The following FANCL variants were observed in gnomAD, a reference collection of about 807,000 sequenced individuals.
The protein encoded by FANCL is FA complementation group L.
Under a neutral mutation model 59.4 loss-of-function variants are expected in FANCL, and 69 were observed. That is an observed-to-expected ratio of 1.16 (90% CI 0.96 to 1.42). The LOEUF (loss-of-function observed/expected upper bound fraction) is 1.42. FANCL is among the 40% of genes most tolerant of loss of function. FANCL has a pLI of 0.00. For synonymous variants in FANCL, 180 were observed against 147.1 expected (o/e 1.22, Z -1.62); for missense variants, 519 against 447.2 (o/e 1.16, Z -1.45).
At chr2:58,234,499 TG>T (rs1693841119) in intron 1 of FANCL, among the ~76,000 whole-genome samples, 1 of 151,416 alleles carries the variant, frequency 6.6e-6, no homozygotes, top group Admixed American at 6.6e-5. Context: ...GAAAAGGAGT[TG>T]AAGTGGAACA....
chr2:58,177,707 A>G (rs908484496), intron 7 of FANCL, among the ~76,000 whole-genome samples: 1 of 151,784 alleles, frequency 6.6e-6, no homozygotes, highest in Non-Finnish European at 1.5e-5. Flanking sequence ...GGTGCAGCAC[A>G]CCAGCATGGC....
chr2:58,237,931 C>G (rs1335775284), intron 1 of FANCL, among the ~76,000 whole-genome samples: 1 of 152,198 alleles, frequency 6.6e-6, no homozygotes, highest in Non-Finnish European at 1.5e-5. Flanking sequence ...GAGAAGCTAG[C>G]TGCCATGTGT....
chr2:58,193,109 A>G (rs183843125), intron 7 of FANCL, among the ~76,000 whole-genome samples: 34 of 152,182 alleles, frequency 2.2e-4, no homozygotes, highest in Admixed American at 1.8e-3. Context: ...AAGTAAATGT[A>G]GAGATAAATG....
At position 58,173,914 on chromosome 2, in the gene FANCL, T is replaced by C. The variant is rs571293343; in HGVS notation, c.541-8040A>G. ...CAAATCTCACAAGCAGAGACACACA[T>C]AGGCTCAAAATAAAAGGATGGAGGA... On this transcript the variant is annotated intron_variant, in intron 7 of 13. Transcript: ENST00000233741. Among the ~76,000 whole-genome samples, 150 of 151,974 alleles carry C rather than the reference T, an allele frequency of 9.9e-4. 1 individual carries two copies. The highest frequency in any genetic ancestry group is 3.4e-3 in the African/African-American group (143 of 41,452).
intron 7 of FANCL, among the ~76,000 whole-genome samples, chr2:58,178,116 A>T (rs1687547431): frequency 6.6e-6 from 1 of 152,126 alleles, no homozygotes; most frequent in African/African-American, 2.4e-5. Flanking sequence ...CTAACCAAAA[A>T]AAGCCCAGAA....
chr2:58,178,611 C>T (rs962120007), intron 7 of FANCL, among the ~76,000 whole-genome samples: 9 of 152,052 alleles, frequency 5.9e-5, no homozygotes, highest in African/African-American at 1.9e-4. Flanking sequence ...TATGACAAAC[C>T]CACAGTCAAT....
At chr2:58,173,975 G>C (rs998605461) in intron 7 of FANCL, among the ~76,000 whole-genome samples, 20 of 152,046 alleles carry the variant, frequency 1.3e-4, no homozygotes, top group African/African-American at 4.8e-4. Flanking sequence ...AAAAAAGGCA[G>C]GGGTTGCAAT....
At chr2:58,189,580 T>C (rs950833677) in intron 7 of FANCL, among the ~76,000 whole-genome samples, 4 of 152,148 alleles carry the variant, frequency 2.6e-5, no homozygotes, top group Non-Finnish European at 4.4e-5. Context: ...ATAACTGTTA[T>C]TAAATTATGT....
chr2:58,186,594 A>G (rs1270452562), intron 7 of FANCL, among the ~76,000 whole-genome samples: 2 of 152,258 alleles, frequency 1.3e-5, no homozygotes, highest in African/African-American at 2.4e-5. Flanking sequence ...TCCAAGAACC[A>G]GAATGCAAGA....
chr2:58,196,137 C>T (rs1173879490), intron 7 of FANCL, among the ~76,000 whole-genome samples: 1 of 151,912 alleles, frequency 6.6e-6, no homozygotes, highest in African/African-American at 2.4e-5. Context: ...AAAAAAGAGA[C>T]TGCAAATATG....
At position 58,203,391 on chromosome 2, in the gene FANCL, T is replaced by C. The variant is rs72948860; in HGVS notation, c.471+739A>G. 2.1e-3 allele frequency among the ~76,000 whole-genome samples: 325 copies of C among 152,090 alleles called. 1 individual carries two copies. Among genetic ancestry groups the C allele is most frequent in the African/African-American group, 7.2e-3 (300 of 41,552 alleles). On this transcript the variant is annotated intron_variant, in intron 6 of 13. Transcript: ENST00000233741. ...AATCTTCTGAAAAAGAGTTGATTGA[T>C]TGACTCCAAGAATAATTAAAAAAAA...
At chr2:58,219,786 A>C (rs1692293247) in intron 5 of FANCL, among the ~76,000 whole-genome samples, 1 of 152,210 alleles carries the variant, frequency 6.6e-6, no homozygotes, top group Non-Finnish European at 1.5e-5. Flanking sequence ...TACATAGTTC[A>C]CATTATTCAT....
Position 58,159,781 on chromosome 2 carries a change from G to C in FANCL, c.1112C>G (p.Ser371Cys). 3 of 1,612,928 alleles carry C rather than the reference G, an allele frequency of 1.9e-6. No homozygotes were observed. Among genetic ancestry groups the C allele is most frequent in the Non-Finnish European group, 2.5e-6 (3 of 1,179,544 alleles). ...ATTCTTATTTCAGTGTTTCCTTCCA[G>C]ACATTTTTAAGGTAATTGGCTTTAA... Reference protein sequence around the residue: ...YCSKPITLKMSGRKH With the variant: ...YCSKPITLKMCGRKH The change falls in exon 14 of 14, where the codon TCT becomes TGT. Residue 371 changes from serine to cysteine, a missense_variant. Coordinates refer to ENST00000233741, the MANE Select transcript of FANCL (RefSeq NM_018062.4).
At chr2:58,193,040 T>C (rs770131010) in intron 7 of FANCL, among the ~76,000 whole-genome samples, 4 of 151,752 alleles carry the variant, frequency 2.6e-5, no homozygotes, top group Non-Finnish European at 4.4e-5. Flanking sequence ...TAAGAAAAAA[T>C]TCAACAAAAA....
At chr2:58,164,917 TAATC>T in intron 8 of FANCL, among the ~76,000 whole-genome samples, 1 of 152,106 alleles carries the variant, frequency 6.6e-6, no homozygotes, top group Non-Finnish European at 1.5e-5. Flanking sequence ...TTCCCCCAGA[TAATC>T]TATATTATAC....
In FANCL at chr2:58,236,642, G is replaced by A. The variant is rs535320412; in HGVS notation, c.97-4530C>T. 2.6e-5 allele frequency among the ~76,000 whole-genome samples: 4 copies of A among 152,034 alleles called. 1 individual carries two copies. The highest frequency in any genetic ancestry group is 4.1e-4 in the South Asian group (2 of 4,820). On this transcript the variant is annotated intron_variant, in intron 1 of 13. Coordinates refer to ENST00000233741, the MANE Select transcript of FANCL (RefSeq NM_018062.4). Reference sequence around the variant, plus strand: ...TAAATCCAACCATATGAATAACCACGTTAAATGTAAATAGTCGAAGCACCC... The same window carrying A: ...TAAATCCAACCATATGAATAACCACATTAAATGTAAATAGTCGAAGCACCC...
At chr2:58,232,341 A>G (rs1693663756) in intron 1 of FANCL, among the ~76,000 whole-genome samples, 1 of 152,088 alleles carries the variant, frequency 6.6e-6, no homozygotes, top group Non-Finnish European at 1.5e-5. Context: ...AAATCAAAAC[A>G]CTCAGATAAG....
At chr2:58,219,983 A>T (rs1174518426) in intron 5 of FANCL, among the ~76,000 whole-genome samples, 1 of 151,816 alleles carries the variant, frequency 6.6e-6, no homozygotes, top group Non-Finnish European at 1.5e-5. Context: ...AGTCAGTGGC[A>T]TCCTCAAGAG....
chr2:58,212,269 AT>A (rs1310885430), intron 5 of FANCL, among the ~76,000 whole-genome samples: 1 of 152,202 alleles, frequency 6.6e-6, no homozygotes, highest in East Asian at 1.9e-4. Context: ...GAAACCCCTG[AT>A]AAAACCATCA....
Sources: allele counts gnomAD v4.1 joint callset (sites outside exome capture counted in the v4.1 genomes callset), GRCh38; gene constraint gnomAD v4.1.1; transcripts MANE v1.5; gene names NCBI Gene and HGNC (gene_info 2026-07-23, HGNC 2026-07-21).